The following ANO4 variants were observed in gnomAD, a reference collection of about 807,000 sequenced individuals.
ANO4 encodes anoctamin-4.
Under a neutral mutation model 141.9 loss-of-function variants are expected in ANO4, and 69 were observed. The observed-to-expected ratio is 0.49, with a 90% CI of 0.40 to 0.59. The LOEUF is 0.59. Ranked by LOEUF, ANO4 falls within the 20% of genes least tolerant of loss-of-function variation. The probability of loss-of-function intolerance (pLI) is 0.00; values close to 1 mark genes in which losing one functional copy is unlikely to be tolerated. For synonymous variants in ANO4, 350 were observed against 394.3 expected (o/e 0.89, Z 1.33); for missense variants, 894 against 1,162.2 (o/e 0.77, Z 3.36).
At chr12:100,919,687 T>TGC (rs2041519721) in intron 2 of ANO4, among the ~76,000 whole-genome samples, 1 of 145,460 alleles carries the variant, frequency 6.9e-6, no homozygotes, top group African/African-American at 2.7e-5. Flanking sequence ...TGTGTGTGTG[T>TGC]GTGTGTGTGT....
At chr12:100,735,049 C>T (rs1419659846) in intron 2 of ANO4, among the ~76,000 whole-genome samples, 1 of 152,216 alleles carries the variant, frequency 6.6e-6, no homozygotes, top group Non-Finnish European at 1.5e-5. Flanking sequence ...AGTTTTACTG[C>T]TAGGTACTTC....
At chr12:100,751,083 G>A (rs148889132) in intron 3 of ANO4, among the ~76,000 whole-genome samples, 129 of 152,254 alleles carry the variant, frequency 8.5e-4, no homozygotes, top group South Asian at 1.9e-3. Context: ...CAAAGCTATT[G>A]TAACCTGCCA....
At chr12:100,769,615 T>A (rs1218239677) in intron 3 of ANO4, among the ~76,000 whole-genome samples, 1 of 152,214 alleles carries the variant, frequency 6.6e-6, no homozygotes, top group Middle Eastern at 3.2e-3. Context: ...GAAGGGCAGG[T>A]CATCTGGATT....
At chr12:101,066,997 C>CAAAAAAAAAAAAAAA (rs34416390) in intron 14 of ANO4, 5 of 181,560 alleles carry the variant, frequency 2.8e-5, no homozygotes, top group African/African-American at 4.0e-5. Flanking sequence ...TAAAGTATAA[C>CAAAAAAAAAAAAAAA]AAAAAAAAAA....
intron 26 of ANO4, among the ~76,000 whole-genome samples, chr12:101,121,753 CTTTTTTTTTTT>C (rs71091478): frequency 0.41 from 45,672 of 110,562 alleles, 9,054 homozygotes; most frequent in Non-Finnish European, 0.49. Flanking sequence ...AATTTGTTTA[CTTTTTTTTTTT>C]TTTTTTTTTT....
At chr12:100,814,745 G>A (rs182749578) in intron 1 of ANO4, among the ~76,000 whole-genome samples, 255 of 152,186 alleles carry the variant, frequency 1.7e-3, no homozygotes, top group Admixed American at 4.2e-3. Flanking sequence ...GTATGAGGTT[G>A]ATGTTGGGGC....
At chr12:100,786,900 T>C (rs1350258398) in intron 3 of ANO4, among the ~76,000 whole-genome samples, 1 of 152,172 alleles carries the variant, frequency 6.6e-6, no homozygotes, top group Admixed American at 6.5e-5. Flanking sequence ...AATCATACTC[T>C]AAATAATTCT....
chr12:100,755,648 AT>A (rs898285378), intron 3 of ANO4, among the ~76,000 whole-genome samples: 7 of 152,316 alleles, frequency 4.6e-5, no homozygotes, highest in African/African-American at 1.4e-4. Context: ...GTTTACGATC[AT>A]TTTTTATTAT....
At chr12:100,935,914 G>T (rs1443680433) in intron 3 of ANO4, among the ~76,000 whole-genome samples, 2 of 152,156 alleles carry the variant, frequency 1.3e-5, no homozygotes, top group Non-Finnish European at 2.9e-5. Flanking sequence ...ATCAGAAACA[G>T]TGATGAAATA....
At chr12:100,783,052 C>T (rs1320028436) in intron 3 of ANO4, among the ~76,000 whole-genome samples, 3 of 152,166 alleles carry the variant, frequency 2.0e-5, no homozygotes, top group Non-Finnish European at 2.9e-5. Context: ...GAGGCTTCTT[C>T]CTCCCTTCCT....
intron 9 of ANO4, among the ~76,000 whole-genome samples, chr12:101,036,854 T>C (rs1046962465): frequency 5.9e-5 from 9 of 152,362 alleles, no homozygotes; most frequent in African/African-American, 2.2e-4. Flanking sequence ...GTCATCACAT[T>C]ATAAACTTTG....
intron 3 of ANO4, among the ~76,000 whole-genome samples, chr12:100,763,816 T>C: frequency 6.6e-6 from 1 of 152,218 alleles, no homozygotes; most frequent in East Asian, 1.9e-4. Flanking sequence ...TTTTGTGTTA[T>C]GATGTCCTGG....
intron 1 of ANO4, among the ~76,000 whole-genome samples, chr12:100,726,243 A>G (rs905688813): frequency 1.7e-4 from 26 of 152,164 alleles, no homozygotes; most frequent in Non-Finnish European, 2.6e-4. Flanking sequence ...TAAAAAAAAA[A>G]GTCCTTTCTT....
chr12:100,796,945 A>G (rs912907046), intron 1 of ANO4, among the ~76,000 whole-genome samples: 3 of 152,190 alleles, frequency 2.0e-5, no homozygotes, highest in African/African-American at 7.2e-5. Context: ...TGTCATGGAA[A>G]TAGACTCAGT....
At position 100,869,356 on chromosome 12, in the gene ANO4, G is replaced by T. The variant is rs73159525; in HGVS notation, c.-140-32290G>T. Among the ~76,000 whole-genome samples, 410 of 152,318 alleles carry T rather than the reference G, an allele frequency of 2.7e-3. 3 individuals carry two copies. Among genetic ancestry groups the T allele is most frequent in the Non-Finnish European group, 2.6e-3 (176 of 68,024 alleles). ...TTGGACCTGAGTCTTAGATCAAGAG[G>T]CAGTGAGAGGTGATAGGAATGAGTC... On this transcript the variant is annotated intron_variant, in intron 1 of 27. Coordinates refer to ENST00000392977, the MANE Select transcript of ANO4 (RefSeq NM_001286615.2).
chr12:100,977,969 T>A (rs1351878996), intron 7 of ANO4, among the ~76,000 whole-genome samples: 1 of 152,212 alleles, frequency 6.6e-6, no homozygotes, highest in East Asian at 1.9e-4. Flanking sequence ...TTCTGGAAGA[T>A]CCTTTCCTTT....
rs141419974 is a variant in ANO4, at chr12:100,785,842, A to G, written c.358+45737A>G. ...TGCTAGTATCTTCCAAAGTGGCTGT[A>G]CCATTTTGCATTCCTTCCAGCAATG... is the stretch of plus-strand genomic sequence containing the variant. On this transcript the variant is annotated intron_variant, in intron 3 of 29. Transcript: ENST00000644049. Among the ~76,000 whole-genome samples the G allele has an allele frequency of 4.3e-3, 662 of 152,268 alleles. 15 individuals carry two copies. Among genetic ancestry groups the G allele is most frequent in the Admixed American group, 0.029 (444 of 15,280 alleles).
At chr12:100,891,370 T>G (rs562892418) in intron 1 of ANO4, among the ~76,000 whole-genome samples, 2 of 152,290 alleles carry the variant, frequency 1.3e-5, no homozygotes, top group Non-Finnish European at 2.9e-5. Context: ...ATGGTGAGAG[T>G]AAGTTGAGTT....
chr12:101,104,850 T>C (rs1271565778), intron 22 of ANO4, among the ~76,000 whole-genome samples: 1 of 151,774 alleles, frequency 6.6e-6, no homozygotes, highest in East Asian at 1.9e-4. Flanking sequence ...TCTTATCTAC[T>C]AGTTACATAC....
Sources: allele counts gnomAD v4.1 joint callset (sites outside exome capture counted in the v4.1 genomes callset), GRCh38; gene constraint gnomAD v4.1.1; transcripts MANE v1.5; gene names NCBI Gene and HGNC (gene_info 2026-07-23, HGNC 2026-07-21).